Variants in FGF14 observed in about 807,000 individuals in gnomAD.
The protein encoded by FGF14 is fibroblast growth factor homologous factor 4.
In FGF14, 5 loss-of-function variants were observed where a neutral mutation model predicts 25.5. That is an observed-to-expected ratio of 0.20 (90% confidence interval 0.10 to 0.41). The LOEUF (loss-of-function observed/expected upper bound fraction) is 0.41, where lower values mean the gene tolerates loss of function less well. Ranked by LOEUF, FGF14 falls within the 10% of genes least tolerant of loss-of-function variation. FGF14 has a pLI of 1.00. For missense variants in FGF14, 222 were observed against 320.1 expected, an observed-to-expected ratio of 0.69 and a Z score of 2.34; for synonymous variants, 138 against 118.3, an observed-to-expected ratio of 1.17 and a Z score of -1.08.
intron 1 of FGF14, among the ~76,000 whole-genome samples, chr13:102,146,183 C>T (rs532581653): frequency 2.0e-5 from 3 of 152,178 alleles, no homozygotes; most frequent in Non-Finnish European, 4.4e-5. Flanking sequence ...TTCTATTTTA[C>T]CCTTCTCAGT....
intron 3 of FGF14, among the ~76,000 whole-genome samples, chr13:101,734,739 C>T (rs1045357851): frequency 5.9e-5 from 9 of 152,112 alleles, no homozygotes; most frequent in Admixed American, 5.2e-4. Context: ...TCACCATAAT[C>T]GTATGGGATG....
chr13:102,185,287 T>C (rs2048834629), intron 1 of FGF14, among the ~76,000 whole-genome samples: 1 of 152,136 alleles, frequency 6.6e-6, no homozygotes, highest in Non-Finnish European at 1.5e-5. Context: ...TCTTTCATAG[T>C]TCTGAGGCCT....
chr13:102,365,871 G>C (rs1290248475), intron 1 of FGF14, among the ~76,000 whole-genome samples: 1 of 152,020 alleles, frequency 6.6e-6, no homozygotes, highest in Non-Finnish European at 1.5e-5. Context: ...ATAATATATA[G>C]TCACTATTTC....
At chr13:102,389,469 T>C (rs972078513) in intron 1 of FGF14, among the ~76,000 whole-genome samples, 3 of 152,156 alleles carry the variant, frequency 2.0e-5, no homozygotes, top group Non-Finnish European at 2.9e-5. Flanking sequence ...CTTGCAGAAA[T>C]AGATTTAAAT....
chr13:101,807,139 A>G (rs1220861354), intron 3 of FGF14, among the ~76,000 whole-genome samples: 3 of 152,090 alleles, frequency 2.0e-5, no homozygotes, highest in Non-Finnish European at 2.9e-5. Flanking sequence ...CTTTTAGTTC[A>G]CTCCAGACAG....
chr13:102,117,858 T>G (rs2045545115), intron 1 of FGF14, among the ~76,000 whole-genome samples: 1 of 152,154 alleles, frequency 6.6e-6, no homozygotes, highest in Admixed American at 6.5e-5. Flanking sequence ...AGTGGCAGTA[T>G]AAATCAGAAG....
intron 1 of FGF14, among the ~76,000 whole-genome samples, chr13:102,324,270 A>C (rs748350775): frequency 6.6e-6 from 1 of 152,110 alleles, no homozygotes; most frequent in Non-Finnish European, 1.5e-5. Context: ...TAAGAGCCTC[A>C]TATGTGTTGT....
chr13:101,908,678 T>C (rs981857599), intron 1 of FGF14, among the ~76,000 whole-genome samples: 10 of 152,212 alleles, frequency 6.6e-5, no homozygotes, highest in East Asian at 1.9e-4. Context: ...AGGTCATTTA[T>C]AGATTCAATG....
At chr13:101,922,682 A>T (rs1341667138) in intron 1 of FGF14, among the ~76,000 whole-genome samples, 1 of 152,136 alleles carries the variant, frequency 6.6e-6, no homozygotes, top group East Asian at 1.9e-4. Context: ...TACAAACAAG[A>T]AACAGCCTTA....
chr13:102,306,243 C>T (rs1175488554), intron 1 of FGF14, among the ~76,000 whole-genome samples: 1 of 152,178 alleles, frequency 6.6e-6, no homozygotes, highest in Non-Finnish European at 1.5e-5. Context: ...ATACAGCCAA[C>T]ACACATTGCA....
intron 3 of FGF14, among the ~76,000 whole-genome samples, chr13:101,820,796 ACACACACACAACACACACACACACAC>A (rs2042093866): frequency 8.0e-6 from 1 of 124,660 alleles, no homozygotes; most frequent in Non-Finnish European, 1.8e-5. Context: ...ACACACACAC[ACACACACACAACACACACACACACAC>A]CACACACACA....
chr13:102,159,152 A>G (rs546753431), intron 1 of FGF14, among the ~76,000 whole-genome samples: 107 of 147,182 alleles, frequency 7.3e-4, no homozygotes, highest in African/African-American at 2.7e-3. Flanking sequence ...AAAAAAAAAA[A>G]AAAAAGAAAA....
At chr13:102,385,001 G>T (rs1012762200) in intron 1 of FGF14, among the ~76,000 whole-genome samples, 1 of 152,186 alleles carries the variant, frequency 6.6e-6, no homozygotes, top group Non-Finnish European at 1.5e-5. Flanking sequence ...GTCCTTAGGA[G>T]ACTATAAGGT....
At chr13:102,210,208 A>G (rs1002951220) in intron 1 of FGF14, among the ~76,000 whole-genome samples, 10 of 151,780 alleles carry the variant, frequency 6.6e-5, no homozygotes, top group Admixed American at 2.0e-4. Context: ...AGTGATCAAT[A>G]AAAGCCTTTA....
chr13:102,393,425 G>C (rs1474274549), intron 1 of FGF14, among the ~76,000 whole-genome samples: 2 of 152,080 alleles, frequency 1.3e-5, no homozygotes, highest in Non-Finnish European at 1.5e-5. Context: ...GGACCTAAAA[G>C]AAATAATTCA....
At chr13:101,940,398 C>A (rs2035371104) in intron 1 of FGF14, among the ~76,000 whole-genome samples, 1 of 152,136 alleles carries the variant, frequency 6.6e-6, no homozygotes, top group African/African-American at 2.4e-5. Context: ...GAAAAATATC[C>A]CCTGTGCACA....
chr13:101,873,493 G>A (rs956856116), intron 2 of FGF14, among the ~76,000 whole-genome samples: 3 of 152,048 alleles, frequency 2.0e-5, no homozygotes, highest in African/African-American at 4.8e-5. Flanking sequence ...TCAGAGTTAT[G>A]GGAAACTAGT....
chr13:102,279,352 G>C (rs1436545176), intron 1 of FGF14, among the ~76,000 whole-genome samples: 1 of 152,088 alleles, frequency 6.6e-6, no homozygotes, highest in African/African-American at 2.4e-5. Flanking sequence ...ATTTCTTATT[G>C]TTGAAGGTTC....
At chr13:102,028,831 T>G (rs553981224) in intron 1 of FGF14, among the ~76,000 whole-genome samples, 2 of 152,200 alleles carry the variant, frequency 1.3e-5, no homozygotes, top group African/African-American at 4.8e-5. Flanking sequence ...GCCTAGTGAA[T>G]CATTTTACCT....
Sources: allele counts gnomAD v4.1 joint callset (sites outside exome capture counted in the v4.1 genomes callset), GRCh38; gene constraint gnomAD v4.1.1; transcripts MANE v1.5; gene names NCBI Gene and HGNC (gene_info 2026-07-23, HGNC 2026-07-21).